The following SUMF1 variants were observed in gnomAD, a reference collection of about 807,000 sequenced individuals.
The protein encoded by SUMF1 is formylglycine-generating enzyme.
SUMF1 carries 48 observed loss-of-function variants against 47.6 expected under a neutral mutation model. That is an observed-to-expected ratio of 1.01 (90% CI 0.80 to 1.28). The LOEUF (loss-of-function observed/expected upper bound fraction) is 1.28, where lower values mean the gene tolerates loss of function less well. Among genes scored for constraint, SUMF1 ranks in the 50% most tolerant of loss-of-function variants. The pLI, the probability that SUMF1 is intolerant of heterozygous loss-of-function variation, is 0.00. For synonymous variants in SUMF1, 230 were observed against 192.1 expected (o/e 1.20, Z -1.63); for missense variants, 571 against 485.4 (o/e 1.18, Z -1.66).
Position 4,210,259 on chromosome 3 carries a change from A to C in SUMF1, c.1015-141514T>G, listed in dbSNP as rs559354186. Among the ~76,000 whole-genome samples the C allele has an allele frequency of 9.2e-5, 14 of 152,302 alleles. No individual in the cohort carries two copies. The South Asian group carries it at 2.9e-3, about 32-fold the overall frequency. On this transcript the variant is annotated intron_variant and NMD_transcript_variant, in intron 8 of 12. Transcript: ENST00000448413. ...GTATCCATAAATTCAATGCAATCCA[A>C]ATAAAAATTCCAGCAGACATTTTCT...
intron 6 of SUMF1, among the ~76,000 whole-genome samples, chr3:4,411,874 G>C (rs970267880): frequency 6.6e-6 from 1 of 151,870 alleles, no homozygotes; most frequent in Non-Finnish European, 1.5e-5. Flanking sequence ...GTAATCCTTG[G>C]GGGTTTAAAA....
chr3:4,208,273 G>T (rs528482377), intron 8 of SUMF1, among the ~76,000 whole-genome samples: 1 of 151,916 alleles, frequency 6.6e-6, no homozygotes, highest in African/African-American at 2.4e-5. Context: ...GTAAGGAGAG[G>T]ACTAAGAAGT....
chr3:4,038,370 G>A (rs750645490), intron 9 of SUMF1, among the ~76,000 whole-genome samples: 5 of 152,250 alleles, frequency 3.3e-5, no homozygotes, highest in South Asian at 2.1e-4. Context: ...CTCCCCATAG[G>A]TCGACTGCAG....
intron 7 of SUMF1, among the ~76,000 whole-genome samples, chr3:4,379,163 C>G (rs1173153223): frequency 6.6e-6 from 1 of 152,226 alleles, no homozygotes; most frequent in Admixed American, 6.5e-5. Flanking sequence ...TGCCAAAAAA[C>G]AGAAAAATTA....
intron 1 of SUMF1, among the ~76,000 whole-genome samples, chr3:4,453,757 C>G (rs1205309921): frequency 2.6e-5 from 4 of 152,060 alleles, no homozygotes; most frequent in African/African-American, 7.2e-5. Context: ...TGGTCTTGAA[C>G]TCCTGACCTC....
At chr3:4,411,847 AT>A (rs1481165841) in intron 6 of SUMF1, among the ~76,000 whole-genome samples, 1 of 152,206 alleles carries the variant, frequency 6.6e-6, no homozygotes, top group African/African-American at 2.4e-5. Context: ...AATGAAAAAA[AT>A]ATATATGTAT....
At chr3:4,313,050 A>G in intron 8 of SUMF1, 1 of 1,613,898 alleles carries the variant, frequency 6.2e-7, no homozygotes, top group South Asian at 1.1e-5. Context: ...CATGCCTTAG[A>G]GATATAGGAT....
chr3:4,061,199 G>A (rs1359896414), intron 9 of SUMF1, among the ~76,000 whole-genome samples: 4 of 152,172 alleles, frequency 2.6e-5, no homozygotes, highest in Non-Finnish European at 5.9e-5. Flanking sequence ...TAGCACTGAT[G>A]TTTATGGTTT....
chr3:4,037,203 T>C (rs962935776), intron 9 of SUMF1, among the ~76,000 whole-genome samples: 3 of 152,196 alleles, frequency 2.0e-5, no homozygotes, highest in Non-Finnish European at 2.9e-5. Flanking sequence ...ACCACATTTA[T>C]TTTCAATGAA....
At chr3:4,383,051 C>G (rs1700559053) in intron 7 of SUMF1, among the ~76,000 whole-genome samples, 1 of 145,226 alleles carries the variant, frequency 6.9e-6, no homozygotes, top group Non-Finnish European at 1.5e-5. Context: ...CACGTGTACC[C>G]CAGAACTTAA....
chr3:4,466,685 T>A (rs1165900348), intron 1 of SUMF1, among the ~76,000 whole-genome samples: 5 of 152,140 alleles, frequency 3.3e-5, no homozygotes, highest in Non-Finnish European at 7.3e-5. Flanking sequence ...AACCATAATT[T>A]GATTGCCTTA....
At chr3:4,243,833 C>T (rs1696599681) in intron 8 of SUMF1, among the ~76,000 whole-genome samples, 2 of 152,050 alleles carry the variant, frequency 1.3e-5, no homozygotes, top group African/African-American at 4.8e-5. Flanking sequence ...TTTCTGTCTC[C>T]TTGATCTGTC....
At chr3:4,089,756 C>T (rs1226125025) in intron 8 of SUMF1, among the ~76,000 whole-genome samples, 1 of 152,146 alleles carries the variant, frequency 6.6e-6, no homozygotes, top group African/African-American at 2.4e-5. Flanking sequence ...ACTTCCCCAA[C>T]CCAAATTTCA....
At chr3:4,423,474 C>T (rs189672436) in intron 3 of SUMF1, among the ~76,000 whole-genome samples, 217 of 152,238 alleles carry the variant, frequency 1.4e-3, no homozygotes, top group Non-Finnish European at 2.4e-3. Context: ...TCAGCCCATA[C>T]TCTTCTACTC....
intron 7 of SUMF1, among the ~76,000 whole-genome samples, chr3:4,387,116 A>T (rs1336540745): frequency 6.6e-6 from 1 of 152,006 alleles, no homozygotes; most frequent in Non-Finnish European, 1.5e-5. Context: ...TCGTAAAATG[A>T]TTAGAAAGTG....
At chr3:4,155,720 C>T (rs1694437536) in intron 8 of SUMF1, among the ~76,000 whole-genome samples, 1 of 151,456 alleles carries the variant, frequency 6.6e-6, no homozygotes, top group Non-Finnish European at 1.5e-5. Flanking sequence ...CAGCCAGAAT[C>T]AGCCTCTGTT....
intron 8 of SUMF1, among the ~76,000 whole-genome samples, chr3:4,321,975 A>C (rs781521605): frequency 6.6e-6 from 1 of 152,200 alleles, no homozygotes; most frequent in Non-Finnish European, 1.5e-5. Context: ...TAAAGATGGT[A>C]CATTAACTCT....
At chr3:4,200,392 G>A (rs1007371351) in intron 8 of SUMF1, among the ~76,000 whole-genome samples, 2 of 151,940 alleles carry the variant, frequency 1.3e-5, no homozygotes, top group Non-Finnish European at 1.5e-5. Context: ...TGGGAGCCCA[G>A]ATAAAACAAA....
chr3:4,073,090 G>A (rs963640113), intron 8 of SUMF1, among the ~76,000 whole-genome samples: 9 of 152,288 alleles, frequency 5.9e-5, no homozygotes, highest in Admixed American at 3.9e-4. Flanking sequence ...AGAGAGAAAC[G>A]TTGGGTTACC....
Sources: allele counts gnomAD v4.1 joint callset (sites outside exome capture counted in the v4.1 genomes callset), GRCh38; gene constraint gnomAD v4.1.1; transcripts MANE v1.5; gene names NCBI Gene and HGNC (gene_info 2026-07-23, HGNC 2026-07-21).